OMD: variants seen among roughly 807,000 people sequenced by gnomAD.
OMD encodes KSPG osteomodulin.
Under a neutral mutation model 31.2 loss-of-function variants are expected in OMD, and 19 were observed. The observed-to-expected ratio is 0.61, with a 90% CI of 0.42 to 0.89. The LOEUF (loss-of-function observed/expected upper bound fraction) is 0.89, where lower values mean the gene tolerates loss of function less well. OMD is among the 40% of genes least tolerant of loss of function. The pLI, the probability that OMD is intolerant of heterozygous loss-of-function variation, is 0.00. For synonymous variants in OMD, 155 were observed against 166.4 expected (o/e 0.93, Z 0.53); for missense variants, 448 against 490.8 (o/e 0.91, Z 0.82).
chr9:92,417,962 A>C (rs1843668860), intron 1 of OMD, among the ~76,000 whole-genome samples: 1 of 152,162 alleles, frequency 6.6e-6, no homozygotes, highest in Admixed American at 6.5e-5. Flanking sequence ...TCCTGACCTC[A>C]AGGGATCCTC....
Position 92,415,411 on chromosome 9 carries a change from C to A in OMD, c.1007G>T (p.Arg336Leu), listed in dbSNP as rs372233789. 9.9e-6 allele frequency: 16 copies of A among 1,613,396 alleles called. No homozygotes were observed. Among genetic ancestry groups the A allele is most frequent in the Non-Finnish European group, 1.1e-5 (13 of 1,179,702 alleles). ...TTCTTTTAGTTTATTTTGGTCCACA[C>A]GAATGTATGTTAAATGGTGGTAATG... ...PLHYHHLTYI[R>L]VDQNKLKEPI... The change falls in exon 3 of 3, where the codon CGT (arginine) becomes CTT (leucine). Residue 336 changes from arginine (R) to leucine (L), a missense_variant. Transcript: ENST00000375550.
chr9:92,412,404 T>C lies in OMD; in HGVS notation c.*2748A>G, dbSNP rs565251055. On this transcript the variant is annotated 3_prime_UTR_variant, in exon 3 of 3. Transcript: ENST00000375550. Reference sequence around the variant, plus strand: ...ACCCAGCCTAAAGTATACAATTTAATAGTACTTAGTGTTTTTGCATTTGTA... The same window carrying C: ...ACCCAGCCTAAAGTATACAATTTAACAGTACTTAGTGTTTTTGCATTTGTA... Among the ~76,000 whole-genome samples, 14 of 152,292 alleles carry C rather than the reference T, an allele frequency of 9.2e-5. No homozygotes were observed. The highest frequency in any genetic ancestry group is 3.1e-4 in the African/African-American group (13 of 41,568).
Position 92,416,669 on chromosome 9 carries a change from T to C in OMD, c.890A>G (p.Tyr297Cys), listed in dbSNP as rs1458067434. The C allele has an allele frequency of 6.2e-7, 1 of 1,608,734 alleles. No individual in the cohort carries two copies. The highest frequency in any genetic ancestry group is 1.7e-5 in the Admixed American group (1 of 58,682). Residue 297 changes from tyrosine to cysteine, a missense_variant, in exon 2 of 3, where the codon TAT becomes TGT. Coordinates refer to ENST00000375550, the MANE Select transcript of OMD (RefSeq NM_005014.3). The stretch of plus-strand genomic sequence containing the variant: ...TAGGTGTTCCAAATTTCTTGGAATA[T>C]AGAATGCTTGCTTCAATTTGTTGTG... Reference protein sequence around the residue: ...VGHNKLKQAFYIPRNLEHLYL... With the variant: ...VGHNKLKQAFCIPRNLEHLYL...
intron 1 of OMD, among the ~76,000 whole-genome samples, chr9:92,418,050 G>A (rs1843670993): frequency 6.6e-6 from 1 of 151,024 alleles, no homozygotes; most frequent in Non-Finnish European, 1.5e-5. Context: ...TAATGTTTAA[G>A]TACAAATGAA....
intron 2 of OMD, among the ~76,000 whole-genome samples, chr9:92,416,058 G>GTGTATATATATATA (rs6151074): frequency 2.3e-5 from 3 of 130,932 alleles, no homozygotes; most frequent in Non-Finnish European, 4.8e-5. Flanking sequence ...ATATATGTGT[G>GTGTATATATATATA]TATATATATA....
intron 1 of OMD, among the ~76,000 whole-genome samples, chr9:92,418,774 T>G (rs1588116771): frequency 6.6e-6 from 1 of 152,206 alleles, no homozygotes; most frequent in East Asian, 1.9e-4. Flanking sequence ...TGTTTCCTTT[T>G]AATATTTTCT....
In OMD at chr9:92,417,371, A is replaced by G; in HGVS notation, c.188T>C (p.Val63Ala). Residue 63 changes from valine to alanine, a missense_variant, in exon 2 of 3, where the codon GTC becomes GCC. Physicochemically the swap from Val to Ala is moderately conservative, Grantham distance 64. Coordinates refer to ENST00000375550, the MANE Select transcript of OMD (RefSeq NM_005014.3). ...VPFHQYTLGC[V>A]SECFCPTNFP... ...GTTAGTTGGACAGAAGCATTCACTGACACAGCCTAAAGTATACTGATGAAA... is the reference window on the plus strand; with the variant it reads ...GTTAGTTGGACAGAAGCATTCACTGGCACAGCCTAAAGTATACTGATGAAA... The G allele has an allele frequency of 6.2e-7, 1 of 1,614,104 alleles. No homozygotes were observed. The highest frequency in any genetic ancestry group is 2.2e-5 in the East Asian group (1 of 44,856).
At chr9:92,423,537 C>A (rs1843876982) in intron 1 of OMD, among the ~76,000 whole-genome samples, 1 of 151,530 alleles carries the variant, frequency 6.6e-6, no homozygotes, top group Non-Finnish European at 1.5e-5. Context: ...TAGATTTTTC[C>A]AAAAAAGTTC....
Position 92,422,120 on chromosome 9 carries a change from G to A in OMD, c.-17+2082C>T, listed in dbSNP as rs574566739. ...GGCTGGAGTGCAGTGGCACAATCTC[G>A]GCTCACTGCAACCTCCGCCTCCCAG... is the stretch of plus-strand genomic sequence containing the variant. On this transcript the variant is annotated intron_variant, in intron 1 of 2. Coordinates refer to ENST00000375550, the MANE Select transcript of OMD (RefSeq NM_005014.3). Among the ~76,000 whole-genome samples the A allele has an allele frequency of 1.1e-4, 17 of 151,386 alleles. No individual in the cohort carries two copies. In the East Asian group the frequency reaches 1.7e-3, roughly 16 times the overall value.
intron 1 of OMD, among the ~76,000 whole-genome samples, chr9:92,422,097 C>T (rs1253024368): frequency 6.6e-6 from 1 of 151,834 alleles, no homozygotes; most frequent in Non-Finnish European, 1.5e-5. Flanking sequence ...GTCACCCAGG[C>T]TGGAGTGCAG....
Position 92,415,068 on chromosome 9 carries a change from T to C in OMD, c.*84A>G, listed in dbSNP as rs974218812. 7 of 1,044,008 alleles carry C rather than the reference T, an allele frequency of 6.7e-6. No individual in the cohort carries two copies. In the African/African-American group the frequency reaches 9.7e-5, roughly 15 times the overall value. The allele number at this position is 1,044,008 out of a possible 1,614,324, so 64.7% of individuals were successfully genotyped here. On this transcript the variant is annotated 3_prime_UTR_variant, in exon 3 of 3. Transcript: ENST00000375550. ...TAATACATAATTCTAAATATATTAC[T>C]TTGAGTAATACATGTTTACTTAGAT... is the stretch of plus-strand genomic sequence containing the variant.
rs1843474649 is a variant in OMD at position 92,412,595 on chromosome 9, A to G, written c.*2557T>C. Among the ~76,000 whole-genome samples, 3 of 152,204 alleles carry G rather than the reference A, an allele frequency of 2.0e-5. No individual in the cohort carries two copies. ...TCCCAGTTCTGGACATTTCATAAAGATGGAATCATACAATTTGTGTCTTTT... is the reference window on the plus strand; with the variant it reads ...TCCCAGTTCTGGACATTTCATAAAGGTGGAATCATACAATTTGTGTCTTTT... On this transcript the variant is annotated 3_prime_UTR_variant, in exon 3 of 3. Transcript: ENST00000375550.
At position 92,414,970 on chromosome 9, in the gene OMD, T is replaced by G. The variant is rs1258702245; in HGVS notation, c.*182A>C. On this transcript the variant is annotated 3_prime_UTR_variant, in exon 3 of 3. Transcript: ENST00000375550. ...TTTATATTTTTAAAGATTTACATTA[T>G]TTTGAGTAAGTTCTAATCCTATGAA... The G allele has an allele frequency of 2.4e-6, 1 of 409,898 alleles. No individual in the cohort carries two copies. Among genetic ancestry groups the G allele is most frequent in the African/African-American group, 2.1e-5 (1 of 48,578 alleles). 25.4% of individuals were successfully genotyped at this position (409,898 alleles called of 1,614,324 possible).
In OMD at chr9:92,412,934, A is replaced by G. The variant is rs1843484299; in HGVS notation, c.*2218T>C. Reference sequence around the variant, plus strand: ...ACATGTGTGTTCAGTTCTATTGGGTATATAGTTAGGAATGGAATCGCTGGG... The same window carrying G: ...ACATGTGTGTTCAGTTCTATTGGGTGTATAGTTAGGAATGGAATCGCTGGG... On this transcript the variant is annotated 3_prime_UTR_variant, in exon 3 of 3. Transcript: ENST00000375550. 1.5e-5 allele frequency among the ~76,000 whole-genome samples: 2 copies of G among 135,666 alleles called. No homozygotes were observed. Among genetic ancestry groups the G allele is most frequent in the South Asian group, 4.8e-4 (2 of 4,180 alleles). The allele number at this position is 135,666 out of a possible 152,430, so 89.0% of individuals were successfully genotyped here.
rs1843601377 is a variant in OMD at position 92,416,099 on chromosome 9, T to TA, written c.940+519_940+520insT. Among the ~76,000 whole-genome samples the TA allele has an allele frequency of 2.3e-5, 3 of 132,844 alleles. 1 individual carries two copies. Among genetic ancestry groups the TA allele is most frequent in the African/African-American group, 8.4e-5 (3 of 35,888 alleles). The allele number at this position is 132,844 out of a possible 152,430, so 87.2% of individuals were successfully genotyped here. A position where few individuals can be genotyped will look rare whatever the true frequency, so the allele number is the denominator to read the frequency against. ...ATTTATTTATTTATTTATTTATTTA[T>TA]TTTATTTTTTTTTTTTTTAAGACAG... On this transcript the variant is annotated intron_variant, in intron 2 of 2. Coordinates refer to ENST00000375550, the MANE Select transcript of OMD (RefSeq NM_005014.3).
At chr9:92,416,046 T>TA (rs1202073989) in intron 2 of OMD, among the ~76,000 whole-genome samples, 1,724 of 100,284 alleles carry the variant, frequency 0.017, 23 homozygotes, top group South Asian at 0.054. Context: ...AATAAATATA[T>TA]TATATATGTG....
rs147427474 is a variant in OMD at position 92,420,085 on chromosome 9, C to T, written c.-16-2511G>A. ...TCCTGCAGTGATACTTTCCTTCATT[C>T]TTCCTCACCATTTGCTCCCATGCAC... On this transcript the variant is annotated intron_variant, in intron 1 of 2. Transcript: ENST00000375550. Among the ~76,000 whole-genome samples, 79 of 152,230 alleles carry T rather than the reference C, an allele frequency of 5.2e-4. 2 individuals carry two copies. In the East Asian group the frequency reaches 0.015, roughly 29 times the overall value.
chr9:92,414,779 A>G lies in OMD; in HGVS notation c.*373T>C, dbSNP rs2761672. ...TGTCCTCAGAGTGATCAAAAAGGTC[A>G]TGGCCTGTGGGTCTTTACTGCTAAT... is the stretch of plus-strand genomic sequence containing the variant. On this transcript the variant is annotated 3_prime_UTR_variant, in exon 3 of 3. Transcript: ENST00000375550. 1 of 229,446 alleles carries G rather than the reference A, an allele frequency of 4.4e-6. No individual in the cohort carries two copies. Among genetic ancestry groups the G allele is most frequent in the Non-Finnish European group, 8.6e-6 (1 of 116,784 alleles). The allele number at this position is 229,446 out of a possible 1,614,324, so 14.2% of individuals were successfully genotyped here.
At position 92,416,682 on chromosome 9, in the gene OMD, T is replaced by C; in HGVS notation, c.877A>G (p.Lys293Glu). The C allele has an allele frequency of 6.2e-7, 1 of 1,610,632 alleles. No individual in the cohort carries two copies. Among genetic ancestry groups the C allele is most frequent in the South Asian group, 1.1e-5 (1 of 90,226 alleles). Reference protein sequence around the residue: ...VELSVGHNKLKQAFYIPRNLE... With the variant: ...VELSVGHNKLEQAFYIPRNLE... ...TTTCTTGGAATATAGAATGCTTGCT[T>C]CAATTTGTTGTGTCCAACACTGAGT... The change falls in exon 2 of 3, where the codon AAG (lysine) becomes GAG (glutamate). Residue 293 changes from lysine (K) to glutamate (E), a missense_variant. Coordinates refer to ENST00000375550, the MANE Select transcript of OMD (RefSeq NM_005014.3).
Sources: allele counts gnomAD v4.1 joint callset (sites outside exome capture counted in the v4.1 genomes callset), GRCh38; gene constraint gnomAD v4.1.1; transcripts MANE v1.5; gene names NCBI Gene and HGNC (gene_info 2026-07-23, HGNC 2026-07-21).